ABCG2: variants seen among roughly 807,000 people sequenced by gnomAD.
The protein encoded by ABCG2 is ATP binding cassette subfamily G member 2 (JR blood group), also known as broad substrate specificity ATP-binding cassette transporter ABCG2.
Under a neutral mutation model 73.5 loss-of-function variants are expected in ABCG2, and 80 were observed. The observed-to-expected ratio is 1.09, with a 90% CI of 0.91 to 1.31. ABCG2 has a LOEUF of 1.31. Among genes scored for constraint, ABCG2 ranks in the 50% most tolerant of loss-of-function variants. ABCG2 has a pLI of 0.00. For synonymous variants in ABCG2, 269 were observed against 282.4 expected, an observed-to-expected ratio of 0.95 and a Z score of 0.48; for missense variants, 796 against 786.2, an observed-to-expected ratio of 1.01 and a Z score of -0.15.
At position 88,170,407 on chromosome 4, in the gene ABCG2, G is replaced by T. The variant is rs191604071; in HGVS notation, c.-19-30393C>A. 3.0e-3 allele frequency among the ~76,000 whole-genome samples: 456 copies of T among 152,222 alleles called. 4 individuals are homozygous for T. Among genetic ancestry groups the T allele is most frequent in the African/African-American group, 0.01 (424 of 41,516 alleles). On this transcript the variant is annotated intron_variant, in intron 1 of 15. Transcript: ENST00000515655. ...CCTGACACAAAAACAGGCACTTCTGGGATTCTCTTCCCAGCCGGAGATGAC... is the reference window on the plus strand; with the variant it reads ...CCTGACACAAAAACAGGCACTTCTGTGATTCTCTTCCCAGCCGGAGATGAC...
At chr4:88,188,280 T>C (rs1728547822) in intron 1 of ABCG2, among the ~76,000 whole-genome samples, 2 of 152,218 alleles carry the variant, frequency 1.3e-5, no homozygotes, top group Non-Finnish European at 2.9e-5. Context: ...TGAAAATCAA[T>C]TGCCCGCATA....
At chr4:88,160,855 A>G (rs1179624584), upstream of ABCG2, among the ~76,000 whole-genome samples, 2 of 150,750 alleles carry the variant, frequency 1.3e-5, no homozygotes, top group Non-Finnish European at 3.0e-5. Flanking sequence ...TCTCAAAAAA[A>G]AAAAAAAAAA....
At chr4:88,147,061 G>GT (rs1230249462) in intron 1 of ABCG2, among the ~76,000 whole-genome samples, 62 of 148,998 alleles carry the variant, frequency 4.2e-4, no homozygotes, top group African/African-American at 1.3e-3. Context: ...AAAGGTAAAG[G>GT]AAAGGAAAGG....
intron 9 of ABCG2, 41 bp downstream of exon 9, chr4:88,113,262 A>T: frequency 6.3e-7 from 1 of 1,598,020 alleles, no homozygotes; most frequent in Non-Finnish European, 8.5e-7. Flanking sequence ...ACAGAACCAC[A>T]TTGTTCCCAT....
At chr4:88,156,358 A>AGTG (rs1726941028) in intron 1 of ABCG2, among the ~76,000 whole-genome samples, 1 of 142,810 alleles carries the variant, frequency 7.0e-6, no homozygotes, top group Non-Finnish European at 1.5e-5. Flanking sequence ...CTGGGCGACA[A>AGTG]AGACTCCGTC....
At chr4:88,158,884 G>A, upstream of ABCG2, 1 of 337,618 alleles carries the variant, frequency 3.0e-6, no homozygotes, top group Non-Finnish European at 5.7e-6. Context: ...CCGCGCTTCG[G>A]GCTGTGGACC....
At chr4:88,214,810 G>C (rs952227191) in intron 1 of ABCG2, among the ~76,000 whole-genome samples, 1 of 151,840 alleles carries the variant, frequency 6.6e-6, no homozygotes, top group African/African-American at 2.4e-5. Flanking sequence ...TTTTTGTAGA[G>C]ATTAGGTCTT....
At chr4:88,229,419 G>A (rs1730363590) in intron 1 of ABCG2, among the ~76,000 whole-genome samples, 3 of 152,158 alleles carry the variant, frequency 2.0e-5, no homozygotes, top group East Asian at 1.9e-4. Context: ...TGGGAGGATC[G>A]CATGAGCCCA....
intron 1 of ABCG2, among the ~76,000 whole-genome samples, chr4:88,197,364 C>T (rs888086614): frequency 6.6e-6 from 1 of 152,036 alleles, no homozygotes; most frequent in Admixed American, 6.5e-5. Context: ...ATAGTAGCTC[C>T]CACCATATTG....
At chr4:88,122,616 C>T (rs1724086248) in intron 5 of ABCG2, among the ~76,000 whole-genome samples, 2 of 152,192 alleles carry the variant, frequency 1.3e-5, no homozygotes, top group Non-Finnish European at 2.9e-5. Context: ...TCTCTAGATT[C>T]CTCCTCTCTA....
intron 1 of ABCG2, among the ~76,000 whole-genome samples, chr4:88,218,832 C>T (rs1360069881): frequency 2.0e-5 from 3 of 152,200 alleles, no homozygotes; most frequent in Non-Finnish European, 4.4e-5. Context: ...TCTTTACCTA[C>T]ATCATTGGTT....
At chr4:88,177,840 G>A (rs914321520) in intron 1 of ABCG2, among the ~76,000 whole-genome samples, 3 of 152,136 alleles carry the variant, frequency 2.0e-5, no homozygotes, top group Non-Finnish European at 4.4e-5. Context: ...AAAGAACACA[G>A]GGCAGAATCA....
chr4:88,111,899 C>T (rs1379775973), intron 9 of ABCG2, among the ~76,000 whole-genome samples: 1 of 151,886 alleles, frequency 6.6e-6, no homozygotes, highest in African/African-American at 2.4e-5. Flanking sequence ...CAGACCAGGA[C>T]AACATAGTGA....
chr4:88,186,680 G>A (rs929241762), intron 1 of ABCG2, among the ~76,000 whole-genome samples: 1 of 151,966 alleles, frequency 6.6e-6, no homozygotes, highest in Non-Finnish European at 1.5e-5. Context: ...AGCACTTTGG[G>A]AGGCCGAGGC....
At chr4:88,147,894 A>G (rs1190637438) in intron 1 of ABCG2, among the ~76,000 whole-genome samples, 3 of 152,216 alleles carry the variant, frequency 2.0e-5, no homozygotes, top group Non-Finnish European at 4.4e-5. Flanking sequence ...TATGATTAAC[A>G]CAGCTGTAGT....
chr4:88,217,078 G>T (rs575219832), intron 1 of ABCG2, among the ~76,000 whole-genome samples: 1 of 152,030 alleles, frequency 6.6e-6, no homozygotes, highest in South Asian at 2.1e-4. Context: ...TGCCTGCAGA[G>T]CTTCTACTAA....
intron 1 of ABCG2, among the ~76,000 whole-genome samples, chr4:88,221,236 T>C (rs903455480): frequency 5.5e-5 from 6 of 108,656 alleles, no homozygotes; most frequent in African/African-American, 2.2e-4. Flanking sequence ...GCCACTGCAC[T>C]CCGGCCTAGG....
chr4:88,165,138 C>G (rs1206988146), intron 1 of ABCG2, among the ~76,000 whole-genome samples: 2 of 152,162 alleles, frequency 1.3e-5, no homozygotes, highest in African/African-American at 4.8e-5. Context: ...ACTATACTTT[C>G]TCTCTGAAGT....
chr4:88,172,015 G>C (rs207464857), intron 1 of ABCG2, among the ~76,000 whole-genome samples: 1 of 151,948 alleles, frequency 6.6e-6, no homozygotes, highest in Non-Finnish European at 1.5e-5. Context: ...AATAAATAAG[G>C]CTGGGTGCGT....
Sources: gnomAD v4.1 joint callset for allele counts (sites outside exome capture counted in the v4.1 genomes callset) on GRCh38, gnomAD v4.1.1 for gene constraint, MANE v1.5 for transcripts, NCBI Gene and HGNC (gene_info 2026-07-23, HGNC 2026-07-21) for gene names.